MELK: variants seen among roughly 807,000 people sequenced by gnomAD.
MELK encodes maternal embryonic leucine zipper kinase.
MELK carries 81 observed loss-of-function variants against 85.0 expected under a neutral mutation model. The observed-to-expected ratio is 0.95, with a 90% CI of 0.80 to 1.15. MELK has a LOEUF of 1.15. MELK is among the 50% of genes most tolerant of loss of function. The pLI is 0.00. For missense variants in MELK, 754 were observed against 777.5 expected, an observed-to-expected ratio of 0.97 and a Z score of 0.36; for synonymous variants, 252 against 265.0, an observed-to-expected ratio of 0.95 and a Z score of 0.48.
intron 8 of MELK, among the ~76,000 whole-genome samples, chr9:36,621,298 A>AAAAAAC (rs1827408490): frequency 8.4e-6 from 1 of 118,954 alleles, no homozygotes; most frequent in Non-Finnish European, 1.6e-5. Context: ...AAAAAAAAAA[A>AAAAAAC]AAAAAAAAAA....
chr9:36,637,589 A>C (rs923095994), intron 10 of MELK, among the ~76,000 whole-genome samples: 8 of 152,232 alleles, frequency 5.3e-5, no homozygotes, highest in African/African-American at 1.9e-4. Context: ...AAACTTTTGC[A>C]GTGGACTAGG....
At chr9:36,598,529 G>C (rs1296483090) in intron 6 of MELK, among the ~76,000 whole-genome samples, 2 of 152,110 alleles carry the variant, frequency 1.3e-5, no homozygotes, top group Admixed American at 1.3e-4. Flanking sequence ...TGGTATTTCT[G>C]TGGGAGGGCA....
chr9:36,584,555 G>A (rs1202840282), intron 3 of MELK, among the ~76,000 whole-genome samples: 3 of 132,130 alleles, frequency 2.3e-5, no homozygotes, highest in Non-Finnish European at 4.8e-5. Context: ...GGATGGTCTC[G>A]ATCTCCAGAC....
chr9:36,674,493 T>C (rs1243504354), intron 16 of MELK, among the ~76,000 whole-genome samples: 1 of 152,208 alleles, frequency 6.6e-6, no homozygotes, highest in Non-Finnish European at 1.5e-5. Flanking sequence ...GGACTGTTAA[T>C]GTCTCTTAAA....
At chr9:36,614,430 T>TTTTTTG (rs1554722246) in intron 8 of MELK, among the ~76,000 whole-genome samples, 55 of 143,928 alleles carry the variant, frequency 3.8e-4, no homozygotes, top group African/African-American at 1.3e-3. Context: ...TTTGGGTTTT[T>TTTTTTG]TTTTTTTTTT....
chr9:36,650,405 A>T (rs1379399775), intron 11 of MELK, among the ~76,000 whole-genome samples: 2 of 152,348 alleles, frequency 1.3e-5, no homozygotes, highest in East Asian at 3.9e-4. Context: ...GTGGAATTTC[A>T]TAATAAGATT....
chr9:36,615,896 TCA>T (rs1826700058), intron 8 of MELK, among the ~76,000 whole-genome samples: 1 of 148,134 alleles, frequency 6.8e-6, no homozygotes, highest in African/African-American at 2.5e-5. Context: ...GAGGGGCTCC[TCA>T]CATCCCAGAC....
intron 10 of MELK, among the ~76,000 whole-genome samples, chr9:36,642,248 TA>T (rs2136924289): frequency 6.6e-6 from 1 of 152,188 alleles, no homozygotes; most frequent in South Asian, 2.1e-4. Context: ...GTGCTAAACA[TA>T]AACATAACCT....
rs563155144 is a variant in MELK at position 36,659,015 on chromosome 9, G to A, written c.1176+1652G>A. 1.4e-4 allele frequency among the ~76,000 whole-genome samples: 21 copies of A among 152,020 alleles called. 1 individual carries two copies. In the East Asian group the frequency reaches 4.1e-3, roughly 29 times the overall value. On this transcript the variant is annotated intron_variant, in intron 13 of 17. Coordinates refer to ENST00000298048, the MANE Select transcript of MELK (RefSeq NM_014791.4). ...TCCTGCCTCAGCTTCCCGAATAGCTGGGACTACAGGTGCCCGCCACCACGC... is the reference window on the plus strand; with the variant it reads ...TCCTGCCTCAGCTTCCCGAATAGCTAGGACTACAGGTGCCCGCCACCACGC...
chr9:36,636,774 T>TCTGTCTGTCTG (rs1564190977), intron 10 of MELK, among the ~76,000 whole-genome samples: 2 of 105,896 alleles, frequency 1.9e-5, no homozygotes, highest in African/African-American at 9.0e-5. Context: ...CTTTCTTTCT[T>TCTGTCTGTCTG]TCTTTCTTTC....
At chr9:36,651,989 A>T in intron 12 of MELK, 112 bp downstream of exon 12, 1 of 998,618 alleles carries the variant, frequency 1.0e-6, no homozygotes, top group Non-Finnish European at 1.3e-6. Context: ...AAGATGTTTT[A>T]TGATTTCAAT....
intron 7 of MELK, among the ~76,000 whole-genome samples, chr9:36,604,252 A>C (rs994098212): frequency 7.4e-6 from 1 of 135,678 alleles, no homozygotes; most frequent in Non-Finnish European, 1.5e-5. Context: ...TATGGGTGTA[A>C]GCCACCGCGC....
chr9:36,589,549 G>A lies in MELK; in HGVS notation c.158G>A (p.Arg53Gln), dbSNP rs749522568. 1.9e-6 allele frequency: 3 copies of A among 1,613,460 alleles called. No homozygotes were observed. Among genetic ancestry groups the A allele is most frequent in the African/African-American group, 1.3e-5 (1 of 74,988 alleles). Residue 53 changes from arginine (R) to glutamine (Q), a missense_variant, in exon 4 of 18, where the codon CGG becomes CAG. Coordinates refer to ENST00000298048, the MANE Select transcript of MELK (RefSeq NM_014791.4). ...GTTTTGTCACAGAGTGATTTGCCCC[G>A]GATCAAAACGGAGATTGAGGCCTTG... ...DKNTLGSDLP[R>Q]IKTEIEALKN...
chr9:36,644,101 G>A (rs1328303368), intron 11 of MELK, among the ~76,000 whole-genome samples: 3 of 152,046 alleles, frequency 2.0e-5, no homozygotes, highest in African/African-American at 4.8e-5. Flanking sequence ...GCAGCGTCAC[G>A]TCACCCCTAA....
chr9:36,662,392 C>T (rs888819733), intron 13 of MELK, among the ~76,000 whole-genome samples: 5 of 151,800 alleles, frequency 3.3e-5, no homozygotes, highest in East Asian at 3.9e-4. Flanking sequence ...TACAGGCACC[C>T]GCCACCATGT....
At chr9:36,634,069 C>T (rs1049535085) in intron 10 of MELK, among the ~76,000 whole-genome samples, 1 of 152,168 alleles carries the variant, frequency 6.6e-6, no homozygotes, top group African/African-American at 2.4e-5. Context: ...TAACATGATG[C>T]ATTGGTTATT....
intron 8 of MELK, among the ~76,000 whole-genome samples, chr9:36,611,800 G>A (rs1006623891): frequency 3.5e-5 from 5 of 144,546 alleles, no homozygotes; most frequent in South Asian, 2.2e-4. Flanking sequence ...TTGAGATGGC[G>A]TCTCGTGCTG....
intron 7 of MELK, 21 bp from the exon 8 acceptor site, chr9:36,607,554 C>CT (rs1564153594): frequency 6.4e-7 from 1 of 1,556,226 alleles, no homozygotes; most frequent in Non-Finnish European, 8.8e-7. Context: ...AGTAATTTTT[C>CT]TTTTTCCCTC....
chr9:36,615,405 A>C (rs1431972022), intron 8 of MELK, among the ~76,000 whole-genome samples: 19 of 77,794 alleles, frequency 2.4e-4, no homozygotes, highest in South Asian at 9.5e-4. Context: ...TGACCCCCCC[A>C]CCTCCCTCCC....
Sources: allele counts gnomAD v4.1 joint callset (sites outside exome capture counted in the v4.1 genomes callset), GRCh38; gene constraint gnomAD v4.1.1; transcripts MANE v1.5; gene names NCBI Gene and HGNC (gene_info 2026-07-23, HGNC 2026-07-21).